Variants in CES4A observed in about 807,000 individuals in gnomAD.
CES4A encodes the protein carboxylesterase 4A.
A neutral mutation model predicts 65.4 loss-of-function variants in CES4A; 48 were observed. The observed-to-expected ratio is 0.73, with a 90% CI of 0.58 to 0.93. CES4A has a LOEUF of 0.93. Ranked by LOEUF, CES4A falls within the 40% of genes least tolerant of loss-of-function variation. The probability of loss-of-function intolerance (pLI) is 0.00; values close to 1 mark genes in which losing one functional copy is unlikely to be tolerated. For missense variants in CES4A, 685 were observed against 728.5 expected (o/e 0.94, Z 0.69); for synonymous variants, 247 against 281.8 (o/e 0.88, Z 1.24).
intron 1 of CES4A, among the ~76,000 whole-genome samples, chr16:66,992,822 C>T (rs1253643477): frequency 6.6e-6 from 1 of 152,020 alleles, no homozygotes; most frequent in African/African-American, 2.4e-5. Flanking sequence ...GGATTACAGG[C>T]TTGTGCCGCT....
exon 2 of CES4A, chr16:66,995,745 C>T: frequency 1.9e-6 from 3 of 1,614,258 alleles, no homozygotes; most frequent in Non-Finnish European, 2.5e-6. Context: ...TTCTCCAGAC[C>T]TCCTCTAGGT....
chr16:67,002,124 A>G (rs1481603116), intron 5 of CES4A, among the ~76,000 whole-genome samples: 1 of 152,246 alleles, frequency 6.6e-6, no homozygotes, highest in Non-Finnish European at 1.5e-5. Context: ...GGCCCAGAGA[A>G]TTAAGCAACT....
chr16:67,000,522 C>G lies in CES4A; in HGVS notation c.261-116C>G. 4.8e-6 allele frequency: 7 copies of G among 1,456,052 alleles called. No individual in the cohort carries two copies. The highest frequency in any genetic ancestry group is 6.4e-6 in the Non-Finnish European group (7 of 1,101,910). The allele number at this position is 1,456,052 out of a possible 1,614,324, so 90.2% of individuals were successfully genotyped here. A position where few individuals can be genotyped will look rare whatever the true frequency, so the allele number is the denominator to read the frequency against. ...ACACGCACACGCACGCACATGCGCA[C>G]GCACACGCACGCGCACAGACGCTGC... On this transcript the variant is annotated intron_variant, in intron 2 of 13. Transcript: ENST00000648724. The surrounding 1 kb of genome is among the most constrained non-coding windows in gnomAD (Gnocchi z 4.2).
chr16:66,993,677 C>T (rs1408922280), intron 1 of CES4A, among the ~76,000 whole-genome samples: 5 of 152,266 alleles, frequency 3.3e-5, no homozygotes, highest in Admixed American at 3.3e-4. Flanking sequence ...ATGAGCTGTG[C>T]TCACATGTAC....
intron 1 of CES4A, among the ~76,000 whole-genome samples, chr16:66,990,363 T>A (rs955449120): frequency 1.2e-4 from 18 of 152,186 alleles, no homozygotes; most frequent in Admixed American, 5.9e-4. Context: ...TCTTTTCACC[T>A]TTTCATTGTG....
At position 66,988,831 on chromosome 16, in the gene CES4A, G is replaced by A; in HGVS notation, c.58+1G>A. The A allele has an allele frequency of 6.4e-7, 1 of 1,564,242 alleles. No individual in the cohort carries two copies. The highest frequency in any genetic ancestry group is 8.7e-7 in the Non-Finnish European group (1 of 1,153,498). Reference sequence around the variant, plus strand: ...TGCCTGATGGCGCAGACGGCCTTGGGTAAGACCCCCACCCCTTCCCGAGAG... The same window carrying A: ...TGCCTGATGGCGCAGACGGCCTTGGATAAGACCCCCACCCCTTCCCGAGAG... On this transcript the variant is annotated splice_donor_variant, in intron 1 of 13. Coordinates refer to ENST00000648724, the Ensembl canonical transcript of CES4A. LOFTEE classifies it high-confidence loss of function.
intron 13 of CES4A, 33 bp downstream of exon 13, chr16:67,006,850 T>C: frequency 1.9e-6 from 3 of 1,594,584 alleles, no homozygotes; most frequent in Non-Finnish European, 2.6e-6. Context: ...CTGGGCATTC[T>C]ACCTGCCCAG....
chr16:66,995,110 G>A (rs1301802489), intron 1 of CES4A, among the ~76,000 whole-genome samples: 2 of 152,038 alleles, frequency 1.3e-5, no homozygotes, highest in Non-Finnish European at 2.9e-5. Flanking sequence ...AGGAGATCGA[G>A]ACCATCCTGG....
chr16:66,995,493 T>A, intron 1 of CES4A, 135 bp from the exon 2 acceptor site: 1 of 709,970 alleles, frequency 1.4e-6, no homozygotes, highest in South Asian at 1.7e-5. Flanking sequence ...TGTGGCTGAG[T>A]GGCTGCGCAG....
intron 1 of CES4A, 59 bp from the exon 2 acceptor site, chr16:66,995,569 G>C (rs1254731018): frequency 1.4e-6 from 2 of 1,465,668 alleles, no homozygotes; most frequent in African/African-American, 2.8e-5. Context: ...GGCTGAGCCA[G>C]GGTCCCATTT....
In CES4A at chr16:66,994,951, C is replaced by A. The variant is rs1048667152; in HGVS notation, c.59-677C>A. Among the ~76,000 whole-genome samples, 9 of 152,034 alleles carry A rather than the reference C, an allele frequency of 5.9e-5. No homozygotes were observed. The East Asian group carries it at 1.5e-3, about 26-fold the overall frequency. On this transcript the variant is annotated intron_variant, in intron 1 of 13. Coordinates refer to ENST00000648724, the Ensembl canonical transcript of CES4A. ...CCTGGAAGGTGGAGGTTGCAGTGAG[C>A]CAAGATTGGGCTATTGCACTCCAGC...
In CES4A at chr16:67,004,080, G is replaced by A. The variant is rs1162319480; in HGVS notation, c.940-4G>A. The A allele has an allele frequency of 6.2e-7, 1 of 1,613,818 alleles. No individual in the cohort carries two copies. The highest frequency in any genetic ancestry group is 1.7e-5 in the Admixed American group (1 of 59,986). On this transcript the variant is annotated splice_polypyrimidine_tract_variant and splice_region_variant and intron_variant, in intron 8 of 13. Coordinates refer to ENST00000648724, the Ensembl canonical transcript of CES4A. ...ACTGGCTGGAAATGCCCTTTGCCTT[G>A]TAGATTATCTGGTCCATGAGCCCTG...
At position 67,000,686 on chromosome 16, in the gene CES4A, G is replaced by A. The variant is rs1430699425; in HGVS notation, c.309G>A (p.Thr103=). The A allele has an allele frequency of 1.3e-6, 2 of 1,550,650 alleles. No individual in the cohort carries two copies. The highest frequency in any genetic ancestry group is 1.2e-5 in the South Asian group (1 of 84,062). The change falls in exon 3 of 14, where the codon ACG becomes ACA. Residue 103 remains threonine, a synonymous_variant. Coordinates refer to ENST00000648724, the Ensembl canonical transcript of CES4A. The surrounding 1 kb of genome is among the most constrained non-coding windows in gnomAD (Gnocchi z 4.2). ...AGCTGGCCTCGATGTACGTCAGCAC[G>A]CGGGAACGGTACAAGTGGCTGCGCT... is the stretch of plus-strand genomic sequence containing the variant.
intron 5 of CES4A, among the ~76,000 whole-genome samples, chr16:67,002,716 A>G (rs1331022909): frequency 6.6e-6 from 1 of 152,012 alleles, no homozygotes; most frequent in Non-Finnish European, 1.5e-5. Flanking sequence ...GGCAGTGGAG[A>G]GAGGCTAACA....
At chr16:67,004,936 A>G (rs1046862497) in intron 10 of CES4A, 63 bp downstream of exon 10, 6 of 1,277,856 alleles carry the variant, frequency 4.7e-6, no homozygotes, top group Non-Finnish European at 5.5e-6. Flanking sequence ...GTTTTTTTTA[A>G]CCTAGTAGCT....
chr16:67,008,727 C>G, intron 13 of CES4A: 1 of 449,426 alleles, frequency 2.2e-6, no homozygotes, highest in Non-Finnish European at 4.0e-6. Flanking sequence ...TTACCTAACT[C>G]TTGACTTGTG....
intron 1 of CES4A, among the ~76,000 whole-genome samples, chr16:66,995,369 G>A (rs961561073): frequency 1.3e-5 from 2 of 151,904 alleles, no homozygotes; most frequent in African/African-American, 4.8e-5. Context: ...CGTTAAAGGA[G>A]AGAAAAAATT....
At position 67,001,085 on chromosome 16, in the gene CES4A, G is replaced by A. The variant is rs1370800945; in HGVS notation, c.536+95G>A. 3 of 1,106,790 alleles carry A rather than the reference G, an allele frequency of 2.7e-6. No individual in the cohort carries two copies. Among genetic ancestry groups the A allele is most frequent in the Non-Finnish European group, 3.8e-6 (3 of 796,554 alleles). 68.6% of individuals were successfully genotyped at this position (1,106,790 alleles called of 1,614,324 possible). A position where few individuals can be genotyped will look rare whatever the true frequency, so the allele number is the denominator to read the frequency against. On this transcript the variant is annotated intron_variant, in intron 4 of 13. Coordinates refer to ENST00000648724, the Ensembl canonical transcript of CES4A. The surrounding 1 kb of genome is among the most constrained non-coding windows in gnomAD (Gnocchi z 4.1). ...GGCGGGGCCTGGGGCGGGGATGGGG[G>A]GGGTGGGGCCGCGAGGCGGGGGCGG... is the stretch of plus-strand genomic sequence containing the variant.
chr16:67,005,254 G>A lies in CES4A; in HGVS notation c.1176G>A (p.Glu392=), dbSNP rs773343743. ...TCCTCACTCAGAATATCACCAAGGA[G>A]CAGGTACCACTTGTGGTGGAGGAGT... The change falls in exon 11 of 14, where the codon GAG becomes GAA. Residue 392 remains glutamate, a synonymous_variant. Transcript: ENST00000648724. 8 of 1,614,136 alleles carry A rather than the reference G, an allele frequency of 5.0e-6. No homozygotes were observed. In the Admixed American group the frequency reaches 1.2e-4, roughly 24 times the overall value.
Sources: allele counts gnomAD v4.1 joint callset (sites outside exome capture counted in the v4.1 genomes callset), GRCh38; gene constraint gnomAD v4.1.1; non-coding constraint Gnocchi (gnomAD v3.1); transcripts MANE v1.5; gene names NCBI Gene and HGNC (gene_info 2026-07-23, HGNC 2026-07-21).